The following ACTR3 variants were observed in gnomAD, a reference collection of about 807,000 sequenced individuals.
The protein encoded by ACTR3 is actin related protein 3.
A neutral mutation model predicts 56.8 loss-of-function variants in ACTR3; 12 were observed. That is an observed-to-expected ratio of 0.21 (90% CI 0.14 to 0.34). ACTR3 has a LOEUF of 0.34. Among genes scored for constraint, ACTR3 ranks in the 10% least tolerant of loss-of-function variants. ACTR3 has a pLI of 1.00. For missense variants in ACTR3, 282 were observed against 512.5 expected (o/e 0.55, Z 4.34); for synonymous variants, 162 against 167.4 (o/e 0.97, Z 0.25).
intron 7 of ACTR3, 176 bp downstream of exon 7, chr2:113,940,278 C>T (rs1679900660): frequency 4.3e-6 from 2 of 467,494 alleles, no homozygotes; most frequent in Non-Finnish European, 3.5e-6. Context: ...AAAATTATTA[C>T]AGCAGTTTGT....
Position 113,958,879 on chromosome 2 carries a change from T to C in ACTR3, c.*1424T>C, listed in dbSNP as rs889751286. ...CAAAAGTGAAAGAATATAAAGTGTTTAGTTTTTTGTTTTTACTCTAAAGAT... is the reference window on the plus strand; with the variant it reads ...CAAAAGTGAAAGAATATAAAGTGTTCAGTTTTTTGTTTTTACTCTAAAGAT... On this transcript the variant is annotated 3_prime_UTR_variant, in exon 12 of 12. Transcript: ENST00000263238. 1.3e-5 allele frequency: 2 copies of C among 152,048 alleles called. No individual in the cohort carries two copies. The highest frequency in any genetic ancestry group is 4.8e-5 in the African/African-American group (2 of 41,442). 9.4% of individuals were successfully genotyped at this position (152,048 alleles called of 1,614,324 possible).
At chr2:113,953,151 A>C (rs1680148792) in intron 10 of ACTR3, 1 of 152,180 alleles carries the variant, frequency 6.6e-6, no homozygotes, top group Non-Finnish European at 1.5e-5. Flanking sequence ...ACAATGCTGT[A>C]TGTTTCTGAG....
intron 1 of ACTR3, among the ~76,000 whole-genome samples, chr2:113,907,345 C>T (rs1679214335): frequency 6.6e-6 from 1 of 152,156 alleles, no homozygotes; most frequent in South Asian, 2.1e-4. Context: ...GTCATAGCTC[C>T]TCCATGGCTC....
chr2:113,934,265 T>C lies in ACTR3; in HGVS notation c.433-14T>C. On this transcript the variant is annotated splice_polypyrimidine_tract_variant and intron_variant, in intron 5 of 11. Transcript: ENST00000263238. The stretch of plus-strand genomic sequence containing the variant: ...TTTTTGTTTTTTTGCCTTTCTTCTT[T>C]CTTTGTGCTCAAGGCTGTTCTTGCC... 5 of 1,551,568 alleles carry C rather than the reference T, an allele frequency of 3.2e-6. No individual in the cohort carries two copies. Among genetic ancestry groups the C allele is most frequent in the Non-Finnish European group, 4.4e-6 (5 of 1,148,446 alleles).
rs1005248019 is a variant in ACTR3, at chr2:113,890,729, G to A, written c.44+406G>A. 2.4e-5 allele frequency: 26 copies of A among 1,071,974 alleles called. No individual in the cohort carries two copies. The African/African-American group carries it at 4.3e-4, about 18-fold the overall frequency. The allele number at this position is 1,071,974 out of a possible 1,614,324, so 66.4% of individuals were successfully genotyped here. On this transcript the variant is annotated intron_variant, in intron 1 of 11. Transcript: ENST00000263238. ...CAGTCGGTTTGGGGACCCAGGGGCC[G>A]AGCTCGGGGACTGGCCTGGCAGGGG...
Position 113,931,363 on chromosome 2 carries a change from C to T in ACTR3, c.399C>T (p.Ser133=). The change falls in exon 5 of 12, where the codon TCC becomes TCT. Residue 133 remains serine, a synonymous_variant. Transcript: ENST00000263238. Reference sequence around the variant, plus strand: ...ATACTGCTGAAATAATGTTTGAGTCCTTCAATGTTCCAGGCTTGTACATTG... The same window carrying T: ...ATACTGCTGAAATAATGTTTGAGTCTTTCAATGTTCCAGGCTTGTACATTG... The part of the protein sequence containing the change: ...REYTAEIMFE[S]FNVPGLYIAV... 4 of 1,599,890 alleles carry T rather than the reference C, an allele frequency of 2.5e-6. No homozygotes were observed. The highest frequency in any genetic ancestry group is 3.4e-6 in the Non-Finnish European group (4 of 1,173,410).
intron 1 of ACTR3, among the ~76,000 whole-genome samples, chr2:113,910,258 G>A (rs1307982286): frequency 1.4e-5 from 2 of 138,518 alleles, no homozygotes; most frequent in Non-Finnish European, 2.9e-5. Context: ...AAAGGACAGA[G>A]TTTGGAGAGC....
chr2:113,922,944 T>G (rs970525861), intron 3 of ACTR3, among the ~76,000 whole-genome samples: 2 of 151,944 alleles, frequency 1.3e-5, no homozygotes, highest in African/African-American at 4.8e-5. Flanking sequence ...GATTGAGAGG[T>G]GATAGTGATG....
At chr2:113,907,928 C>G (rs1679226882) in intron 1 of ACTR3, among the ~76,000 whole-genome samples, 2 of 141,624 alleles carry the variant, frequency 1.4e-5, no homozygotes, top group Non-Finnish European at 3.0e-5. Flanking sequence ...GAGCCGAGAT[C>G]TCGCCATTGC....
chr2:113,889,967 C>T (rs1481490135), upstream of ACTR3: 5 of 531,576 alleles, frequency 9.4e-6, no homozygotes, highest in Non-Finnish European at 9.9e-6. Flanking sequence ...GCCATCTTGG[C>T]TTCCCGGGGA....
rs1486998797 is a variant in ACTR3 at position 113,957,352 on chromosome 2, G to A, written c.1162-8G>A. 1.9e-6 allele frequency: 3 copies of A among 1,606,286 alleles called. No homozygotes were observed. The African/African-American group carries it at 4.0e-5, about 22-fold the overall frequency. On this transcript the variant is annotated splice_polypyrimidine_tract_variant and splice_region_variant and intron_variant, in intron 11 of 11. Transcript: ENST00000263238. ...ACCCTTATAAAAATACATATTTTTT[G>A]TTTTCAGCCTGAGTTCTACCAAGTA... is the stretch of plus-strand genomic sequence containing the variant.
chr2:113,890,721 C>A, intron 1 of ACTR3: 1 of 1,078,316 alleles, frequency 9.3e-7, no homozygotes, highest in South Asian at 3.8e-5. Flanking sequence ...TTTGGGGACC[C>A]AGGGGCCGAG....
intron 1 of ACTR3, among the ~76,000 whole-genome samples, chr2:113,909,640 G>A (rs1224451795): frequency 1.1e-4 from 16 of 150,072 alleles, no homozygotes; most frequent in Non-Finnish European, 7.4e-5. Flanking sequence ...TTTTTGGGAG[G>A]GTGCAGTGTG....
Position 113,940,004 on chromosome 2 carries a change from G to A in ACTR3, c.586G>A (p.Ala196Thr), listed in dbSNP as rs1182900099. Residue 196 changes from alanine (A) to threonine (T), a missense_variant, in exon 7 of 12, where the codon GCA becomes ACA. Coordinates refer to ENST00000263238, the MANE Select transcript of ACTR3 (RefSeq NM_005721.5). ...CAGCTGTATTAAACACATTCCAATC[G>A]CAGGACGAGATATAACATATTTTAT... ...IGSCIKHIPI[A>T]GRDITYFIQQ... 2 of 1,612,608 alleles carry A rather than the reference G, an allele frequency of 1.2e-6. No homozygotes were observed. The highest frequency in any genetic ancestry group is 1.7e-6 in the Non-Finnish European group (2 of 1,179,136).
At position 113,931,384 on chromosome 2, in the gene ACTR3, C is replaced by T; in HGVS notation, c.420C>T (p.Tyr140=). 6.3e-7 allele frequency: 1 copy of T among 1,583,380 alleles called. No individual in the cohort carries two copies. Among genetic ancestry groups the T allele is most frequent in the East Asian group, 2.3e-5 (1 of 43,600 alleles). ...MFESFNVPGL[Y]IAVQAVLALA... The stretch of plus-strand genomic sequence containing the variant: ...AGTCCTTCAATGTTCCAGGCTTGTA[C>T]ATTGCTGTGCAGGTAAGCAAGTTCA... The change falls in exon 5 of 12, where the codon TAC becomes TAT. Residue 140 remains tyrosine (Y), a synonymous_variant. Coordinates refer to ENST00000263238, the MANE Select transcript of ACTR3 (RefSeq NM_005721.5).
intron 8 of ACTR3, among the ~76,000 whole-genome samples, chr2:113,950,119 C>A (rs1680094606): frequency 6.6e-6 from 1 of 152,166 alleles, no homozygotes; most frequent in Admixed American, 6.5e-5. Flanking sequence ...TTTTTGTTAT[C>A]CCATTAACAT....
intron 6 of ACTR3, among the ~76,000 whole-genome samples, chr2:113,936,980 A>G (rs2419080): frequency 0.18 from 26,640 of 152,150 alleles, 4,175 homozygotes; most frequent in African/African-American, 0.4. Context: ...CATTTTAACT[A>G]GATACCACTT....
At chr2:113,917,854 AAC>A (rs894677150) in intron 3 of ACTR3, among the ~76,000 whole-genome samples, 2 of 152,196 alleles carry the variant, frequency 1.3e-5, no homozygotes, top group African/African-American at 2.4e-5. Flanking sequence ...GAAGAAGGGA[AAC>A]ACACACACAG....
intron 2 of ACTR3, among the ~76,000 whole-genome samples, chr2:113,916,067 A>G (rs1170506901): frequency 6.6e-6 from 1 of 152,192 alleles, no homozygotes. Context: ...GAGAATTTCT[A>G]GCATTTAGAA....
Sources: allele counts gnomAD v4.1 joint callset (sites outside exome capture counted in the v4.1 genomes callset), GRCh38; gene constraint gnomAD v4.1.1; transcripts MANE v1.5; gene names NCBI Gene and HGNC (gene_info 2026-07-23, HGNC 2026-07-21).